TLR1: variants seen among roughly 807,000 people sequenced by gnomAD.
The protein encoded by TLR1 is toll like receptor 1.
In TLR1, 19 loss-of-function variants were observed where a neutral mutation model predicts 20.2. The observed-to-expected ratio is 0.94, with a 90% CI of 0.66 to 1.38. The LOEUF is 1.38. Among genes scored for constraint, TLR1 ranks in the 40% most tolerant of loss-of-function variants. The probability of loss-of-function intolerance (pLI) is 0.00; values close to 1 mark genes in which losing one functional copy is unlikely to be tolerated. For missense variants in TLR1, 921 were observed against 910.0 expected (o/e 1.01, Z -0.16); for synonymous variants, 320 against 334.5 (o/e 0.96, Z 0.47).
rs201366752 is a variant in TLR1 at position 38,796,973 on chromosome 4, C to T, written c.1859G>A (p.Arg620Gln). 34 of 1,614,032 alleles carry T rather than the reference C, an allele frequency of 2.1e-5. No individual in the cohort carries two copies. Among genetic ancestry groups the T allele is most frequent in the East Asian group, 6.7e-5 (3 of 44,894 alleles). ...TAAGGGTATGTTCCTGGCCCTGCGC[C>T]GGGTCTGGGTCCACTGGCACACCAT... Reference protein sequence around the residue: ...LRMVCQWTQTRRRARNIPLEE... With the variant: ...LRMVCQWTQTQRRARNIPLEE... The change falls in exon 4 of 4, where the codon CGG becomes CAG. Residue 620 changes from arginine (R) to glutamine (Q), a missense_variant. Physicochemically the swap from Arg to Gln is conservative, Grantham distance 43. Transcript: ENST00000308979.
At chr4:38,805,536 C>T (rs1726958708), upstream of TLR1, 1 of 152,152 alleles carries the variant, frequency 6.6e-6, no homozygotes, top group Non-Finnish European at 1.5e-5. Flanking sequence ...CCAGTAATGA[C>T]AACAACAAAA....
chr4:38,801,778 A>G (rs921961363), intron 2 of TLR1, among the ~76,000 whole-genome samples: 1 of 152,176 alleles, frequency 6.6e-6, no homozygotes, highest in Admixed American at 6.5e-5. Flanking sequence ...AAATATATAA[A>G]TTTATATAAC....
chr4:38,801,794 G>A (rs1370143262), intron 2 of TLR1, among the ~76,000 whole-genome samples: 1 of 152,162 alleles, frequency 6.6e-6, no homozygotes, highest in Admixed American at 6.5e-5. Context: ...ATAACTGCCT[G>A]CCCCCAAGTG....
Position 38,798,827 on chromosome 4 carries a change from G to C in TLR1, c.5C>G (p.Thr2Ser). The C allele has an allele frequency of 6.3e-7, 1 of 1,590,274 alleles. No individual in the cohort carries two copies. Among genetic ancestry groups the C allele is most frequent in the South Asian group, 1.1e-5 (1 of 87,532 alleles). ...GATAATGGCAAAATGGAAGATGCTA[G>C]TCATTTTGGAACACTAGACATTCCT... is the stretch of plus-strand genomic sequence containing the variant. M[T>S]SIFHFAIIFM... The change falls in exon 4 of 4, where the codon ACT (threonine) becomes AGT (serine). Residue 2 changes from threonine (T) to serine (S), a missense_variant. Transcript: ENST00000308979.
At chr4:38,791,121 C>T (rs1019589094) in exon 4 of TLR1, 9 of 152,224 alleles carry the variant, frequency 5.9e-5, no homozygotes, top group African/African-American at 2.2e-4. Flanking sequence ...GCAGTGCGAG[C>T]TTGTCCAAAG....
In TLR1 at chr4:38,802,351, G is replaced by A. The variant is rs56159550; in HGVS notation, c.-159-1403C>T. On this transcript the variant is annotated intron_variant, in intron 2 of 3. Coordinates refer to ENST00000308979, the MANE Select transcript of TLR1 (RefSeq NM_003263.4). ...CAAACTCTCAGGAGCTGGGCAAGCA[G>A]GCTTGAGCATGCATACCAAGAGGCA... Among the ~76,000 whole-genome samples the A allele has an allele frequency of 7.3e-5, 11 of 151,470 alleles. No homozygotes were observed. In the South Asian group the frequency reaches 2.3e-3, roughly 31 times the overall value.
chr4:38,798,416 G>A lies in TLR1; in HGVS notation c.416C>T (p.Ser139Phe). ...LPICKEFGNM[S>F]QLKFLGLSTT... ...GCTCAACCCCAGAAATTTTAGTTGA[G>A]ACATATTGCCAAACTCTTTGCATAT... Residue 139 changes from serine (S) to phenylalanine (F), a missense_variant, in exon 4 of 4, where the codon TCT becomes TTT. Coordinates refer to ENST00000308979, the MANE Select transcript of TLR1 (RefSeq NM_003263.4). The A allele has an allele frequency of 6.2e-7, 1 of 1,613,444 alleles. No homozygotes were observed. The highest frequency in any genetic ancestry group is 8.5e-7 in the Non-Finnish European group (1 of 1,179,528).
rs766981900 is a variant in TLR1 at position 38,796,529 on chromosome 4, A to G, written c.2303T>C (p.Phe768Ser). 3.7e-6 allele frequency: 6 copies of G among 1,614,032 alleles called. No homozygotes were observed. The East Asian group carries it at 1.3e-4, about 36-fold the overall frequency. Residue 768 changes from phenylalanine to serine, a missense_variant, in exon 4 of 4, where the codon TTT becomes TCT. Transcript: ENST00000308979. ...WPKEKSKRGL[F>S]WANLRAAINI... ...AATGGCTGCCCTTAAGTTAGCCCAA[A>G]AAAGGCCACGTTTGCTCTTTTCCTT...
upstream of TLR1, chr4:38,805,150 T>C (rs1726939811): frequency 1.3e-5 from 2 of 152,294 alleles, no homozygotes; most frequent in Admixed American, 1.3e-4. Context: ...CGTCTGGGTG[T>C]GTTTCGGCTG....
In TLR1 at chr4:38,797,901, C is replaced by T. The variant is rs772109580; in HGVS notation, c.931G>A (p.Val311Met). Residue 311 changes from valine (V) to methionine (M), a missense_variant, in exon 4 of 4, where the codon GTG (valine) becomes ATG (methionine). By Grantham distance (21) the Val-to-Met change is conservative. Coordinates refer to ENST00000308979, the MANE Select transcript of TLR1 (RefSeq NM_003263.4). ...ATATAACTTTGCGGAAAACCGAACA[C>T]ATCGCTGACAACTTGGTGTATAGAC... ...ALSIHQVVSDVFGFPQSYIYE... is the reference protein window; with the variant it reads ...ALSIHQVVSDMFGFPQSYIYE... 14 of 1,614,064 alleles carry T rather than the reference C, an allele frequency of 8.7e-6. No homozygotes were observed. The Middle Eastern group carries it at 6.6e-4, about 76-fold the overall frequency.
Position 38,796,950 on chromosome 4 carries a change from A to T in TLR1, c.1882T>A (p.Leu628Ile), listed in dbSNP as rs773181138. The T allele has an allele frequency of 6.2e-7, 1 of 1,614,116 alleles. No homozygotes were observed. The highest frequency in any genetic ancestry group is 1.7e-5 in the Admixed American group (1 of 60,004). Residue 628 changes from leucine (L) to isoleucine (I), a missense_variant, in exon 4 of 4, where the codon TTA becomes ATA. Coordinates refer to ENST00000308979, the MANE Select transcript of TLR1 (RefSeq NM_003263.4). ...QTRRRARNIP[L>I]EELQRNLQFH... is the part of the protein sequence containing the mutation. ...TGGAGATTTCTTTGGAGTTCTTCTA[A>T]GGGTATGTTCCTGGCCCTGCGCCGG...
At chr4:38,803,875 TTA>T (rs1259249997) in intron 2 of TLR1, among the ~76,000 whole-genome samples, 1 of 152,236 alleles carries the variant, frequency 6.6e-6, no homozygotes, top group Non-Finnish European at 1.5e-5. Context: ...TAGCCTCACA[TTA>T]TATGATACAA....
rs199899599 is a variant in TLR1 at position 38,797,505 on chromosome 4, A to T, written c.1327T>A (p.Leu443Ile). The change falls in exon 4 of 4, where the codon TTA (leucine) becomes ATA (isoleucine). Residue 443 changes from leucine to isoleucine, a missense_variant. Transcript: ENST00000308979. The stretch of plus-strand genomic sequence containing the variant: ...TCAAGTACCTTGATCCTGGGAGGTA[A>T]ACATCTGAAAATAGTGTCAGTAAGT... ...NILTDTIFRC[L>I]PPRIKVLDLH... 347 of 1,614,172 alleles carry T rather than the reference A, an allele frequency of 2.1e-4. 2 individuals are homozygous for T. The highest frequency in any genetic ancestry group is 1.5e-3 in the Middle Eastern group (9 of 6,058).
At chr4:38,795,903 C>T (rs982982104), downstream of TLR1, among the ~76,000 whole-genome samples, 2 of 152,168 alleles carry the variant, frequency 1.3e-5, no homozygotes, top group African/African-American at 4.8e-5. Context: ...TCCACCAGCT[C>T]TTTCTGACAT....
chr4:38,801,337 C>T (rs1481345492), intron 2 of TLR1, among the ~76,000 whole-genome samples: 1 of 152,216 alleles, frequency 6.6e-6, no homozygotes, highest in Non-Finnish European at 1.5e-5. Flanking sequence ...AGAGGGCCTT[C>T]GCCAGAACCC....
chr4:38,793,017 A>G (rs1348764199), downstream of TLR1, among the ~76,000 whole-genome samples: 1 of 152,014 alleles, frequency 6.6e-6, no homozygotes, highest in Non-Finnish European at 1.5e-5. Context: ...GTGAGACTAG[A>G]TAACTGGTTT....
At chr4:38,792,711 A>C (rs1240483108), downstream of TLR1, among the ~76,000 whole-genome samples, 1 of 152,100 alleles carries the variant, frequency 6.6e-6, no homozygotes, top group African/African-American at 2.4e-5. Flanking sequence ...GAAATTTGGA[A>C]TGTCTCCAAT....
At chr4:38,802,784 C>T (rs5743580) in intron 2 of TLR1, among the ~76,000 whole-genome samples, 22,248 of 152,168 alleles carry the variant, frequency 0.15, 2,251 homozygotes, top group East Asian at 0.4. Flanking sequence ...GAGTTTAGAG[C>T]GCAGGCGTAT....
rs1726113265 is a variant in TLR1, at chr4:38,796,828, A to C, written c.2004T>G (p.Leu668=). 1.2e-6 allele frequency: 2 copies of C among 1,614,260 alleles called. No individual in the cohort carries two copies. The highest frequency in any genetic ancestry group is 1.7e-6 in the Non-Finnish European group (2 of 1,180,048). ...NLEKEGMQIC[L]HERNFVPGKS... ...TGCCAGGAACAAAGTTTCTCTCATG[A>C]AGGCAAATCTGCATACCTTCTTTCT... The change falls in exon 4 of 4, where the codon CTT becomes CTG. Residue 668 remains leucine (L), a synonymous_variant. Coordinates refer to ENST00000308979, the MANE Select transcript of TLR1 (RefSeq NM_003263.4).
Sources: gnomAD v4.1 joint callset for allele counts (sites outside exome capture counted in the v4.1 genomes callset) on GRCh38, gnomAD v4.1.1 for gene constraint, MANE v1.5 for transcripts, NCBI Gene and HGNC (gene_info 2026-07-23, HGNC 2026-07-21) for gene names.